MYO1H: variants seen among roughly 807,000 people sequenced by gnomAD.
MYO1H encodes the protein unconventional myosin-Ih.
A neutral mutation model predicts 149.3 loss-of-function variants in MYO1H; 118 were observed. The ratio of observed to expected loss-of-function variants is 0.79; its 90% CI spans 0.68 to 0.92. MYO1H has a LOEUF of 0.92. Ranked by LOEUF, MYO1H falls within the 40% of genes least tolerant of loss-of-function variation. The pLI, the probability that MYO1H is intolerant of heterozygous loss-of-function variation, is 0.00. For synonymous variants in MYO1H, 447 were observed against 465.2 expected (o/e 0.96, Z 0.50); for missense variants, 1,212 against 1,280.7 (o/e 0.95, Z 0.82).
At chr12:109,393,341 G>T in exon 3 of MYO1H, 4 of 1,572,670 alleles carry the variant, frequency 2.5e-6, no homozygotes, top group Non-Finnish European at 3.5e-6. Context: ...ACATATATTG[G>T]CACCCTCCTT....
chr12:109,421,149 G>A, intron 16 of MYO1H, 122 bp downstream of exon 16: 1 of 630,706 alleles, frequency 1.6e-6, no homozygotes, highest in East Asian at 2.8e-5. Flanking sequence ...TAGAACTCCA[G>A]CATGTCATGG....
chr12:109,411,280 A>T (rs1870655850), intron 13 of MYO1H, among the ~76,000 whole-genome samples: 1 of 152,066 alleles, frequency 6.6e-6, no homozygotes, highest in Admixed American at 6.5e-5. Flanking sequence ...AATTTTAAAA[A>T]TTTTGTAGAG....
rs10545295 is a variant in MYO1H, at chr12:109,443,322, GTGTA to G, written c.2689-184_2689-181del. ...TGTATATATGTGTACGTATATATGT[GTGTA>G]TGTATGTGTACGTATATATGTGTGT... On this transcript the variant is annotated intron_variant, in intron 27 of 31. Transcript: ENST00000310903. Among the ~76,000 whole-genome samples the G allele has an allele frequency of 9.3e-4, 62 of 66,934 alleles. 12 individuals carry two copies. The highest frequency in any genetic ancestry group is 7.8e-3 in the Middle Eastern group (1 of 128). 43.9% of individuals were successfully genotyped at this position (66,934 alleles called of 152,430 possible).
At chr12:109,443,160 G>GTATGTGTACGTATATGTGTGTA in intron 27 of MYO1H, among the ~76,000 whole-genome samples, 1 of 33,300 alleles carries the variant, frequency 3.0e-5, no homozygotes, top group South Asian at 5.6e-4. Context: ...GTATGTGTGT[G>GTATGTGTACGTATATGTGTGTA]TATATGTGTA....
chr12:109,362,555 G>A (rs991787436), intron 1 of MYO1H, among the ~76,000 whole-genome samples: 3 of 152,158 alleles, frequency 2.0e-5, no homozygotes, highest in Non-Finnish European at 4.4e-5. Flanking sequence ...ACAGAAAACT[G>A]TATATTTGTG....
At position 109,434,565 on chromosome 12, in the gene MYO1H, CTT is replaced by C. The variant is rs199992253; in HGVS notation, c.2064-471_2064-470del. Among the ~76,000 whole-genome samples, 860 of 152,316 alleles carry C rather than the reference CTT, an allele frequency of 5.6e-3. 15 individuals are homozygous for C. Among genetic ancestry groups the C allele is most frequent in the African/African-American group, 0.02 (828 of 41,574 alleles). On this transcript the variant is annotated intron_variant, in intron 20 of 31. Transcript: ENST00000310903. ...CACTCTTTAAAGCCTAGCAACATAA[CTT>C]GAAGCAACTTCAGGTTACGTTGGTT...
the MYO1H span, among the ~76,000 whole-genome samples, chr12:109,328,848 A>T: frequency 6.6e-6 from 1 of 152,196 alleles, no homozygotes; most frequent in Non-Finnish European, 1.5e-5. Flanking sequence ...TGATATACAA[A>T]TATCTTGTGG....
At chr12:109,446,264 G>A (rs1157710759) in intron 31 of MYO1H, 2 of 985,284 alleles carry the variant, frequency 2.0e-6, no homozygotes, top group African/African-American at 3.5e-5. Flanking sequence ...CTGGGCTGAG[G>A]GTCCCAGTGG....
At chr12:109,434,567 T>C (rs988605579) in intron 20 of MYO1H, among the ~76,000 whole-genome samples, 2 of 150,516 alleles carry the variant, frequency 1.3e-5, no homozygotes, top group African/African-American at 5.0e-5. Flanking sequence ...CAACATAACT[T>C]GAAGCAACTT....
the MYO1H span, among the ~76,000 whole-genome samples, chr12:109,314,371 G>A: frequency 6.6e-6 from 1 of 152,038 alleles, no homozygotes; most frequent in African/African-American, 2.4e-5. Context: ...ATAACAAATT[G>A]GCATCATTTT....
At chr12:109,310,524 C>T in the MYO1H span, among the ~76,000 whole-genome samples, 4 of 152,198 alleles carry the variant, frequency 2.6e-5, no homozygotes, top group African/African-American at 9.6e-5. Flanking sequence ...GGCTCAGGCA[C>T]CCGAAGCGTC....
intron 1 of MYO1H, among the ~76,000 whole-genome samples, chr12:109,351,464 C>CAA (rs1320231528): frequency 6.6e-6 from 1 of 152,210 alleles, no homozygotes; most frequent in Non-Finnish European, 1.5e-5. Context: ...TCCTAATTAA[C>CAA]CATCTTTTTA....
chr12:109,435,065 ACT>A lies in MYO1H; in HGVS notation c.2095_2096del (p.Leu699ValfsTer8), dbSNP rs1871800250. The A allele has an allele frequency of 6.2e-7, 1 of 1,608,882 alleles. No individual in the cohort carries two copies. The highest frequency in any genetic ancestry group is 1.3e-5 in the African/African-American group (1 of 74,708). On this transcript the variant is annotated frameshift_variant, in exon 21 of 32. Transcript: ENST00000310903. LOFTEE classifies it high-confidence loss of function. ...CAAAATATTCATTCGTTTCCCCAGA[ACT>A]CTGTTTGCTACCGAAGATGCCTTTG...
intron 1 of MYO1H, among the ~76,000 whole-genome samples, chr12:109,387,762 C>T (rs563556760): frequency 6.6e-6 from 1 of 152,226 alleles, no homozygotes; most frequent in Non-Finnish European, 1.5e-5. Flanking sequence ...CACAGCCCTC[C>T]TGATGCAGAC....
chr12:109,344,871 TG>T (rs2048097906), upstream of MYO1H, among the ~76,000 whole-genome samples: 4 of 152,234 alleles, frequency 2.6e-5, no homozygotes, highest in South Asian at 8.3e-4. Context: ...GATGACTCAA[TG>T]GGGGAAAGAA....
intron 7 of MYO1H, among the ~76,000 whole-genome samples, chr12:109,404,638 CTG>C (rs1870299633): frequency 6.6e-6 from 1 of 152,132 alleles, no homozygotes; most frequent in South Asian, 2.1e-4. Flanking sequence ...CAAATATTAA[CTG>C]TGGGTTCTTT....
At chr12:109,440,037 CT>C (rs36004400) in intron 24 of MYO1H, among the ~76,000 whole-genome samples, 8,094 of 142,960 alleles carry the variant, frequency 0.057, 281 homozygotes, top group Non-Finnish European at 0.086. Context: ...AAACAGAGCA[CT>C]TTTTTTTTTT....
At chr12:109,359,744 A>C (rs1045023776) in intron 1 of MYO1H, among the ~76,000 whole-genome samples, 3 of 152,206 alleles carry the variant, frequency 2.0e-5, no homozygotes, top group African/African-American at 7.2e-5. Context: ...AAGCACCATG[A>C]TTGTTGCGAA....
chr12:109,377,891 C>G (rs575459866), intron 1 of MYO1H, among the ~76,000 whole-genome samples: 1 of 152,304 alleles, frequency 6.6e-6, no homozygotes, highest in African/African-American at 2.4e-5. Context: ...TGATGTCTTA[C>G]CTCCTTCCCC....
Sources: allele counts gnomAD v4.1 joint callset (sites outside exome capture counted in the v4.1 genomes callset), GRCh38; gene constraint gnomAD v4.1.1; transcripts MANE v1.5; gene names NCBI Gene and HGNC (gene_info 2026-07-23, HGNC 2026-07-21).